Variants in FARS2 observed in about 807,000 individuals in gnomAD.
The protein encoded by FARS2 is phenylalanine--tRNA ligase, mitochondrial.
A neutral mutation model predicts 46.4 loss-of-function variants in FARS2; 40 were observed. That is an observed-to-expected ratio of 0.86 (90% CI 0.67 to 1.12). The LOEUF (loss-of-function observed/expected upper bound fraction) is 1.12. FARS2 is among the 50% of genes most tolerant of loss of function. FARS2 has a pLI of 0.00. For synonymous variants in FARS2, 234 were observed against 214.9 expected, an observed-to-expected ratio of 1.09 and a Z score of -0.78; for missense variants, 513 against 567.9, an observed-to-expected ratio of 0.90 and a Z score of 0.98.
chr6:5,646,130 AAG>A (rs1777062631), intron 6 of FARS2, among the ~76,000 whole-genome samples: 1 of 147,792 alleles, frequency 6.8e-6, no homozygotes, highest in Admixed American at 6.6e-5. Context: ...GCAGGGAGAT[AAG>A]AGAGGGAGCA....
At chr6:5,369,864 G>A (rs1367252298) in intron 2 of FARS2, among the ~76,000 whole-genome samples, 2 of 148,430 alleles carry the variant, frequency 1.3e-5, no homozygotes, top group Admixed American at 1.4e-4. Context: ...AATACGTTGT[G>A]TGCATCTTTT....
chr6:5,310,558 A>AT (rs148067003), intron 1 of FARS2, among the ~76,000 whole-genome samples: 37 of 152,306 alleles, frequency 2.4e-4, no homozygotes, highest in South Asian at 1.0e-3. Flanking sequence ...AGTCTAATAC[A>AT]TTTTTTTGTG....
intron 1 of FARS2, among the ~76,000 whole-genome samples, chr6:5,308,428 G>A (rs1768871346): frequency 6.6e-6 from 1 of 152,218 alleles, no homozygotes; most frequent in Non-Finnish European, 1.5e-5. Flanking sequence ...GGCAAGAGGT[G>A]ATGGTACCCT....
intron 2 of FARS2, among the ~76,000 whole-genome samples, chr6:5,370,188 C>G (rs1369177571): frequency 6.6e-6 from 1 of 152,162 alleles, no homozygotes; most frequent in East Asian, 1.9e-4. Flanking sequence ...AACCATTGTT[C>G]TGTTGTATTC....
At chr6:5,639,305 C>A (rs1776692892) in intron 6 of FARS2, among the ~76,000 whole-genome samples, 1 of 152,236 alleles carries the variant, frequency 6.6e-6, no homozygotes, top group Non-Finnish European at 1.5e-5. Flanking sequence ...AGGGCCCAGT[C>A]TCTCTGCCTT....
chr6:5,381,370 A>AACACACACACACACAC (rs3057175), intron 2 of FARS2, among the ~76,000 whole-genome samples: 44 of 132,984 alleles, frequency 3.3e-4, no homozygotes, highest in Non-Finnish European at 5.7e-4. Flanking sequence ...ACTCCCCAGA[A>AACACACACACACACAC]ACACACACAC....
intron 4 of FARS2, among the ~76,000 whole-genome samples, chr6:5,528,459 C>T (rs1018144453): frequency 2.6e-5 from 4 of 152,220 alleles, no homozygotes; most frequent in African/African-American, 9.6e-5. Context: ...ATTTCTAACA[C>T]TCATGGCACT....
chr6:5,269,185 G>T (rs2127819875), intron 1 of FARS2, among the ~76,000 whole-genome samples: 1 of 152,322 alleles, frequency 6.6e-6, no homozygotes. Flanking sequence ...CATGCCCTTT[G>T]TAGGGACATG....
chr6:5,297,374 G>T (rs138817467), intron 1 of FARS2, among the ~76,000 whole-genome samples: 1 of 152,254 alleles, frequency 6.6e-6, no homozygotes, highest in African/African-American at 2.4e-5. Context: ...TTGGCCTGGC[G>T]CAGTGGCTCA....
At chr6:5,752,940 G>A (rs145316358) in intron 6 of FARS2, among the ~76,000 whole-genome samples, 2 of 152,200 alleles carry the variant, frequency 1.3e-5, no homozygotes, top group African/African-American at 2.4e-5. Context: ...GGAGAGAACC[G>A]TGCTGACTCT....
intron 6 of FARS2, among the ~76,000 whole-genome samples, chr6:5,683,830 C>T (rs951939151): frequency 1.3e-5 from 2 of 152,072 alleles, no homozygotes; most frequent in Middle Eastern, 3.2e-3. Context: ...TCCATGTGTT[C>T]TCATTCTTCA....
At chr6:5,261,024 C>T (rs1404848407), upstream of FARS2, 2 of 995,138 alleles carry the variant, frequency 2.0e-6, no homozygotes, top group Admixed American at 1.1e-4. Flanking sequence ...CCCGGAGGCT[C>T]GGGACCCAGC....
intron 1 of FARS2, among the ~76,000 whole-genome samples, chr6:5,297,853 C>T (rs1768004197): frequency 6.6e-6 from 1 of 152,090 alleles, no homozygotes; most frequent in African/African-American, 2.4e-5. Flanking sequence ...TAAAATTTTG[C>T]CTTTAAATAA....
intron 6 of FARS2, among the ~76,000 whole-genome samples, chr6:5,677,281 C>T (rs1172068666): frequency 1.3e-5 from 2 of 152,120 alleles, no homozygotes; most frequent in Admixed American, 6.5e-5. Flanking sequence ...GAAGAGGAAC[C>T]GTAAAGTAGG....
At chr6:5,285,690 A>G (rs1767057805) in intron 1 of FARS2, among the ~76,000 whole-genome samples, 1 of 152,192 alleles carries the variant, frequency 6.6e-6, no homozygotes, top group Non-Finnish European at 1.5e-5. Context: ...GAAGGCGTTC[A>G]TATCTCTTGA....
intron 6 of FARS2, among the ~76,000 whole-genome samples, chr6:5,716,199 A>G (rs1286196766): frequency 2.0e-5 from 3 of 152,244 alleles, no homozygotes; most frequent in Non-Finnish European, 4.4e-5. Context: ...CATAACTGCA[A>G]TATTGCTATC....
At chr6:5,622,252 C>T (rs1775813271) in intron 6 of FARS2, among the ~76,000 whole-genome samples, 1 of 152,234 alleles carries the variant, frequency 6.6e-6, no homozygotes, top group African/African-American at 2.4e-5. Flanking sequence ...ATTTTTTACA[C>T]CGCCTTCCTC....
At chr6:5,492,147 C>T (rs1193033915) in intron 4 of FARS2, among the ~76,000 whole-genome samples, 2 of 152,188 alleles carry the variant, frequency 1.3e-5, no homozygotes, top group African/African-American at 2.4e-5. Context: ...ACATTTTGGT[C>T]ACTTAATTAA....
At chr6:5,302,897 A>G (rs1768421521) in intron 1 of FARS2, among the ~76,000 whole-genome samples, 1 of 152,166 alleles carries the variant, frequency 6.6e-6, no homozygotes, top group Non-Finnish European at 1.5e-5. Context: ...TGTTCGATGG[A>G]CAGGGTTAGT....
Sources: allele counts gnomAD v4.1 joint callset (sites outside exome capture counted in the v4.1 genomes callset), GRCh38; gene constraint gnomAD v4.1.1; transcripts MANE v1.5; gene names NCBI Gene and HGNC (gene_info 2026-07-23, HGNC 2026-07-21).